PARVB: variants seen among roughly 807,000 people sequenced by gnomAD.
PARVB encodes the protein beta-parvin.
A neutral mutation model predicts 47.0 loss-of-function variants in PARVB; 46 were observed. That is an observed-to-expected ratio of 0.98 (90% CI 0.77 to 1.25). The LOEUF (loss-of-function observed/expected upper bound fraction) is 1.25. PARVB is among the 50% of genes most tolerant of loss of function. PARVB has a pLI of 0.00. For synonymous variants in PARVB, 196 were observed against 196.3 expected (o/e 1.00, Z 0.01); for missense variants, 473 against 471.6 (o/e 1.00, Z -0.03).
intron 1 of PARVB, among the ~76,000 whole-genome samples, chr22:44,079,987 A>G (rs1205281712): frequency 6.6e-6 from 1 of 152,256 alleles, no homozygotes; most frequent in Non-Finnish European, 1.5e-5. Context: ...CCTTGGTGTC[A>G]CAGGAGAATG....
At chr22:44,076,120 G>A (rs1379124202) in intron 1 of PARVB, among the ~76,000 whole-genome samples, 1 of 152,260 alleles carries the variant, frequency 6.6e-6, no homozygotes, top group East Asian at 1.9e-4. Flanking sequence ...GGTCTGTGGA[G>A]GCCAGAGCGC....
At chr22:44,147,630 C>T (rs147898227) in intron 8 of PARVB, 2 of 723,524 alleles carry the variant, frequency 2.8e-6, no homozygotes, top group Admixed American at 1.7e-5. Flanking sequence ...TCTGCAGCCT[C>T]TAGTCCACGC....
At position 44,139,928 on chromosome 22, in the gene PARVB, C is replaced by T. The variant is rs117753494; in HGVS notation, c.693-196C>T. On this transcript the variant is annotated intron_variant, in intron 7 of 12. Coordinates refer to ENST00000338758, the MANE Select transcript of PARVB (RefSeq NM_013327.5). ...CTTGTGCAAACATTAATAATTCACA[C>T]AAGCACCTCTCGTTTATAATTAGAG... 6.4e-3 allele frequency: 2,392 copies of T among 373,130 alleles called. 5 individuals carry two copies. Among genetic ancestry groups the T allele is most frequent in the Non-Finnish European group, 9.4e-3 (1,897 of 201,266 alleles). 23.1% of individuals were successfully genotyped at this position (373,130 alleles called of 1,614,324 possible). A position where few individuals can be genotyped will look rare whatever the true frequency, so the allele number is the denominator to read the frequency against.
intron 2 of PARVB, among the ~76,000 whole-genome samples, chr22:44,004,736 G>A (rs893964583): frequency 1.3e-5 from 2 of 152,234 alleles, no homozygotes; most frequent in Non-Finnish European, 2.9e-5. Context: ...GTCCGGCTGA[G>A]CTGGTGATCA....
chr22:44,117,327 G>C (rs1392286424), intron 3 of PARVB, among the ~76,000 whole-genome samples: 2 of 151,892 alleles, frequency 1.3e-5, no homozygotes, highest in African/African-American at 4.8e-5. Context: ...CCCAAAGGAG[G>C]CTGTAGAGGG....
intron 11 of PARVB, among the ~76,000 whole-genome samples, chr22:44,158,498 C>T (rs974580440): frequency 5.3e-5 from 8 of 152,208 alleles, no homozygotes; most frequent in Non-Finnish European, 1.0e-4. Flanking sequence ...CTTTCCATTC[C>T]CCATTCTTGG....
chr22:44,072,779 C>A (rs1344924901), intron 1 of PARVB, among the ~76,000 whole-genome samples: 1 of 152,138 alleles, frequency 6.6e-6, no homozygotes, highest in Admixed American at 6.6e-5. Flanking sequence ...TATTAGACAT[C>A]TTCCTGCTAC....
At chr22:44,031,643 C>T (rs1186876316) in intron 1 of PARVB, 2 of 151,888 alleles carry the variant, frequency 1.3e-5, no homozygotes, top group East Asian at 3.9e-4. Context: ...CTTGGCAACC[C>T]CACACTCATC....
chr22:44,058,549 ATTTTTTT>A (rs35947294), intron 1 of PARVB, among the ~76,000 whole-genome samples: 8 of 96,018 alleles, frequency 8.3e-5, no homozygotes, highest in South Asian at 3.6e-4. Flanking sequence ...GTGGACGTGG[ATTTTTTT>A]TTTTTTTTTT....
intron 3 of PARVB, chr22:44,106,138 G>GTTTTTTTTT (rs959620356): frequency 1.4e-5 from 1 of 69,320 alleles, no homozygotes. Context: ...AGCCAGATGT[G>GTTTTTTTTT]TTTTTTTTTT....
At chr22:44,071,420 G>T (rs935743856) in intron 1 of PARVB, among the ~76,000 whole-genome samples, 1 of 152,190 alleles carries the variant, frequency 6.6e-6, no homozygotes, top group Admixed American at 6.5e-5. Context: ...TGTGCTGAAT[G>T]TGTTTTTCTC....
intron 1 of PARVB, among the ~76,000 whole-genome samples, chr22:44,075,582 C>T (rs1013168379): frequency 1.3e-5 from 2 of 152,140 alleles, no homozygotes; most frequent in African/African-American, 2.4e-5. Flanking sequence ...CTGAGATCCC[C>T]GTGCCCCACC....
At chr22:44,080,229 A>G (rs2051869954) in intron 1 of PARVB, among the ~76,000 whole-genome samples, 1 of 152,204 alleles carries the variant, frequency 6.6e-6, no homozygotes, top group Admixed American at 6.5e-5. Flanking sequence ...GAGGCTGTTA[A>G]TTTACTTAGG....
At chr22:44,147,986 C>T (rs879234103) in intron 9 of PARVB, 64 bp downstream of exon 9, 78 of 1,239,066 alleles carry the variant, frequency 6.3e-5, no homozygotes, top group Admixed American at 2.7e-4. Flanking sequence ...ACAGCACAAA[C>T]GCCCCGCTGG....
intron 1 of PARVB, chr22:44,086,792 GCTT>G: frequency 1.0e-6 from 1 of 985,462 alleles, no homozygotes; most frequent in South Asian, 4.7e-5. Flanking sequence ...ATAAATTACA[GCTT>G]CTACGAAGAA....
intron 12 of PARVB, among the ~76,000 whole-genome samples, chr22:44,164,322 C>T (rs1440713786): frequency 6.6e-6 from 1 of 152,106 alleles, no homozygotes; most frequent in Non-Finnish European, 1.5e-5. Context: ...AAAGGCAGTA[C>T]TTGGTAGCAG....
intron 1 of PARVB, among the ~76,000 whole-genome samples, chr22:44,085,630 T>TTA (rs2052006669): frequency 1.3e-5 from 2 of 152,238 alleles, no homozygotes; most frequent in East Asian, 3.8e-4. Flanking sequence ...TTTTAAAAAA[T>TTA]CTCAACACCA....
intron 3 of PARVB, among the ~76,000 whole-genome samples, chr22:44,116,898 G>A (rs964739500): frequency 2.6e-5 from 4 of 152,186 alleles, no homozygotes; most frequent in East Asian, 3.9e-4. Context: ...GAACCCCAGC[G>A]AGGAGGCAGG....
intron 4 of PARVB, among the ~76,000 whole-genome samples, chr22:44,131,164 A>G (rs536987963): frequency 7.0e-6 from 1 of 143,868 alleles, no homozygotes; most frequent in South Asian, 2.3e-4. Context: ...TTTCTGAGGC[A>G]GGGTCTCACT....
Sources: allele counts gnomAD v4.1 joint callset (sites outside exome capture counted in the v4.1 genomes callset), GRCh38; gene constraint gnomAD v4.1.1; transcripts MANE v1.5; gene names NCBI Gene and HGNC (gene_info 2026-07-23, HGNC 2026-07-21).